Variants in FBXL17 observed in about 807,000 individuals in gnomAD.
FBXL17 encodes the protein F-box/LRR-repeat protein 17.
Under a neutral mutation model 66.2 loss-of-function variants are expected in FBXL17, and 22 were observed. The observed-to-expected ratio is 0.33, with a 90% confidence interval of 0.24 to 0.47. FBXL17 has a LOEUF of 0.47. FBXL17 is among the 20% of genes least tolerant of loss of function. The pLI is 1.00. For synonymous variants in FBXL17, 474 were observed against 400.5 expected (o/e 1.18, Z -2.19); for missense variants, 878 against 948.2 (o/e 0.93, Z 0.97).
chr5:108,081,937 C>G (rs139544639), intron 6 of FBXL17, among the ~76,000 whole-genome samples: 239 of 152,222 alleles, frequency 1.6e-3, no homozygotes, highest in African/African-American at 5.6e-3. Flanking sequence ...GCCCATTACT[C>G]TGGGCTGCAA....
At chr5:108,246,326 C>A (rs1476034929) in intron 4 of FBXL17, among the ~76,000 whole-genome samples, 1 of 152,074 alleles carries the variant, frequency 6.6e-6, no homozygotes, top group African/African-American at 2.4e-5. Flanking sequence ...AATAGTGAAA[C>A]CCTGTCTCAA....
At chr5:107,974,599 C>T (rs1752510212) in intron 7 of FBXL17, among the ~76,000 whole-genome samples, 1 of 152,084 alleles carries the variant, frequency 6.6e-6, no homozygotes, top group Non-Finnish European at 1.5e-5. Flanking sequence ...TCTTAAGGAA[C>T]AGTGTTCGGT....
chr5:108,009,308 T>TAGATAGATAGATATATACAC lies in FBXL17; in HGVS notation c.1822+11616_1822+11617insGTGTATATATCTATCTATCT. Among the ~76,000 whole-genome samples the TAGATAGATAGATATATACAC allele has an allele frequency of 1.7e-4, 7 of 42,208 alleles. 1 individual carries two copies. The highest frequency in any genetic ancestry group is 6.2e-4 in the African/African-American group (7 of 11,326). The allele number at this position is 42,208 out of a possible 152,430, so 27.7% of individuals were successfully genotyped here. A position where few individuals can be genotyped will look rare whatever the true frequency, so the allele number is the denominator to read the frequency against. On this transcript the variant is annotated intron_variant, in intron 7 of 8. Transcript: ENST00000542267. ...ATATATATATATATATATACATATATACATACACATATAGTTTTGCTTTTG... is the reference window on the plus strand; with the variant it reads ...ATATATATATATATATATACATATATAGATAGATAGATATATACACACATACACATATAGTTTTGCTTTTG...
At chr5:108,192,257 C>G (rs1004890374) in intron 5 of FBXL17, among the ~76,000 whole-genome samples, 2 of 152,158 alleles carry the variant, frequency 1.3e-5, no homozygotes, top group African/African-American at 4.8e-5. Flanking sequence ...TTATAATTCA[C>G]TGGTAGTTGT....
At chr5:108,150,703 A>G (rs1179865217) in intron 6 of FBXL17, among the ~76,000 whole-genome samples, 1 of 152,208 alleles carries the variant, frequency 6.6e-6, no homozygotes, top group African/African-American at 2.4e-5. Context: ...AATTCAGATT[A>G]AACATTTTTT....
At chr5:108,123,742 C>CAA (rs377676956) in intron 6 of FBXL17, among the ~76,000 whole-genome samples, 18 of 151,822 alleles carry the variant, frequency 1.2e-4, no homozygotes, top group African/African-American at 4.3e-4. Flanking sequence ...GGAGCACACA[C>CAA]AAAAAAAATC....
chr5:108,368,124 C>A (rs1389289210), intron 1 of FBXL17, among the ~76,000 whole-genome samples, 171 bp from the exon 2 acceptor site: 1 of 151,822 alleles, frequency 6.6e-6, no homozygotes, highest in Non-Finnish European at 1.5e-5. Flanking sequence ...AACTATGATA[C>A]AGGAGCTAAA....
intron 8 of FBXL17, among the ~76,000 whole-genome samples, chr5:107,870,590 CCT>C (rs1491376860): frequency 6.6e-6 from 1 of 151,576 alleles, no homozygotes; most frequent in Non-Finnish European, 1.5e-5. Flanking sequence ...GTATTTAATA[CCT>C]TTTTTTTTTT....
At chr5:108,010,474 T>C (rs1246641410) in intron 7 of FBXL17, among the ~76,000 whole-genome samples, 1 of 152,086 alleles carries the variant, frequency 6.6e-6, no homozygotes, top group Non-Finnish European at 1.5e-5. Context: ...GGGGCTGACT[T>C]TGCTGAGTTG....
chr5:108,355,623 C>T (rs946760430), intron 3 of FBXL17, among the ~76,000 whole-genome samples: 6 of 152,102 alleles, frequency 3.9e-5, no homozygotes, highest in South Asian at 4.1e-4. Context: ...GATATTTTCA[C>T]TACCTGTGAT....
chr5:108,291,428 T>C (rs774881986), intron 4 of FBXL17, among the ~76,000 whole-genome samples: 10 of 152,198 alleles, frequency 6.6e-5, no homozygotes, highest in African/African-American at 1.4e-4. Context: ...TAGCAGAGAA[T>C]TGAAATTACT....
At chr5:108,062,752 C>T (rs1019675186) in intron 6 of FBXL17, among the ~76,000 whole-genome samples, 14 of 151,918 alleles carry the variant, frequency 9.2e-5, no homozygotes, top group African/African-American at 3.1e-4. Flanking sequence ...TCTGTCTTTT[C>T]GACATATAAT....
At chr5:108,242,752 T>C (rs1042629850) in intron 4 of FBXL17, among the ~76,000 whole-genome samples, 12 of 152,132 alleles carry the variant, frequency 7.9e-5, no homozygotes, top group African/African-American at 2.7e-4. Flanking sequence ...AAAACACATT[T>C]AAGTATTTTA....
Position 108,353,384 on chromosome 5 carries a change from C to T in FBXL17, c.1375-4854G>A, listed in dbSNP as rs148407529. On this transcript the variant is annotated intron_variant, in intron 3 of 8. Coordinates refer to ENST00000542267, the MANE Select transcript of FBXL17 (RefSeq NM_001163315.3). ...ATTTGACAAAATACTGGAGGCACAG[C>T]GTGGATAAGTCTGATAATTAAAAAT... Among the ~76,000 whole-genome samples the T allele has an allele frequency of 2.8e-3, 419 of 152,198 alleles. 4 individuals carry two copies. Among genetic ancestry groups the T allele is most frequent in the African/African-American group, 9.6e-3 (397 of 41,520 alleles).
intron 4 of FBXL17, among the ~76,000 whole-genome samples, chr5:108,250,799 G>T (rs1262609604): frequency 6.6e-5 from 10 of 151,972 alleles, no homozygotes; most frequent in Non-Finnish European, 1.5e-4. Flanking sequence ...TATGGTATAT[G>T]TACTTGTTTA....
intron 4 of FBXL17, among the ~76,000 whole-genome samples, chr5:108,346,124 T>C (rs1031749065): frequency 6.6e-6 from 1 of 152,168 alleles, no homozygotes; most frequent in African/African-American, 2.4e-5. Flanking sequence ...GCTTCGCAAG[T>C]ATTTAAATAT....
chr5:108,260,567 G>A (rs1214433777), intron 4 of FBXL17, among the ~76,000 whole-genome samples: 2 of 152,102 alleles, frequency 1.3e-5, no homozygotes, highest in Non-Finnish European at 2.9e-5. Context: ...TACAAGGAGG[G>A]AAGAAGAGAA....
intron 4 of FBXL17, among the ~76,000 whole-genome samples, chr5:108,326,590 G>A (rs1325559526): frequency 6.6e-6 from 1 of 151,936 alleles, no homozygotes; most frequent in Admixed American, 6.6e-5. Context: ...GTGACAGAGC[G>A]ACAGAGCAAG....
intron 6 of FBXL17, among the ~76,000 whole-genome samples, chr5:108,047,154 G>T (rs530263950): frequency 6.6e-6 from 1 of 152,212 alleles, no homozygotes; most frequent in Non-Finnish European, 1.5e-5. Context: ...GCCAGCTGGC[G>T]TGATCTATGG....
Sources: allele counts gnomAD v4.1 joint callset (sites outside exome capture counted in the v4.1 genomes callset), GRCh38; gene constraint gnomAD v4.1.1; transcripts MANE v1.5; gene names NCBI Gene and HGNC (gene_info 2026-07-23, HGNC 2026-07-21).